The following HENMT1 variants were observed in gnomAD, a reference collection of about 807,000 sequenced individuals.
HENMT1 encodes the protein small RNA 2'-O-methyltransferase.
A neutral mutation model predicts 31.1 loss-of-function variants in HENMT1; 27 were observed. The observed-to-expected ratio is 0.87, with a 90% confidence interval of 0.64 to 1.20. The LOEUF is 1.20. HENMT1 is among the 50% of genes most tolerant of loss of function. The pLI is 0.00. For synonymous variants in HENMT1, 167 were observed against 172.2 expected (o/e 0.97, Z 0.24); for missense variants, 438 against 469.6 (o/e 0.93, Z 0.62).
At chr1:108,651,661 G>T (rs1022752157) in intron 5 of HENMT1, among the ~76,000 whole-genome samples, 4 of 140,134 alleles carry the variant, frequency 2.9e-5, no homozygotes, top group Admixed American at 7.9e-5. Context: ...AGAAGAAAAA[G>T]AAAGAAGGAA....
In HENMT1 at chr1:108,650,405, G is replaced by A. The variant is rs764706246; in HGVS notation, c.579-17C>T. 79 of 1,599,324 alleles carry A rather than the reference G, an allele frequency of 4.9e-5. No individual in the cohort carries two copies. The highest frequency in any genetic ancestry group is 6.6e-5 in the Non-Finnish European group (78 of 1,173,972). ...TATAAAGCCCTGAAACCAAAACGAG[G>A]ACAGCAATCATTTTTCTAAATGTAG... On this transcript the variant is annotated splice_polypyrimidine_tract_variant and intron_variant, in intron 6 of 7. Coordinates refer to ENST00000651461, the MANE Select transcript of HENMT1 (RefSeq NM_001102592.2).
Position 108,655,571 on chromosome 1 carries a change from G to A in HENMT1, c.263+15C>T, listed in dbSNP as rs1658205856. On this transcript the variant is annotated intron_variant, in intron 4 of 7. Transcript: ENST00000651461. Reference sequence around the variant, plus strand: ...TTTAGATTAACGCATAATTCTTTCAGAAACTAAGTATTACCCTCTCCATCG... The same window carrying A: ...TTTAGATTAACGCATAATTCTTTCAAAAACTAAGTATTACCCTCTCCATCG... 5 of 1,406,086 alleles carry A rather than the reference G, an allele frequency of 3.6e-6. No homozygotes were observed. The highest frequency in any genetic ancestry group is 5.0e-6 in the Non-Finnish European group (5 of 1,004,666). 87.1% of individuals were successfully genotyped at this position (1,406,086 alleles called of 1,614,324 possible). A position where few individuals can be genotyped will look rare whatever the true frequency, so the allele number is the denominator to read the frequency against.
At chr1:108,654,899 A>G (rs1172162384) in intron 4 of HENMT1, 49 bp from the exon 5 acceptor site, 1 of 1,582,550 alleles carries the variant, frequency 6.3e-7, no homozygotes, top group Non-Finnish European at 8.7e-7. Context: ...CTATTTAAAA[A>G]TTCTCACCAG....
chr1:108,659,791 T>C, intron 2 of HENMT1, 73 bp downstream of exon 2: 3 of 968,704 alleles, frequency 3.1e-6, no homozygotes, highest in Non-Finnish European at 4.8e-6. Context: ...CAATTTTGTT[T>C]GCAATTATCT....
upstream of HENMT1, chr1:108,661,115 G>T (rs1198371579): frequency 1.9e-6 from 1 of 538,450 alleles, no homozygotes; most frequent in Non-Finnish European, 2.4e-6. Flanking sequence ...GCCTCGCTGC[G>T]TGACGCTACC....
chr1:108,654,904 C>A, intron 4 of HENMT1, 54 bp from the exon 5 acceptor site: 1 of 1,556,896 alleles, frequency 6.4e-7, no homozygotes, highest in Middle Eastern at 1.7e-4. Context: ...TAAAAATTCT[C>A]ACCAGCTACA....
At chr1:108,654,381 T>C (rs914892052) in intron 5 of HENMT1, among the ~76,000 whole-genome samples, 7 of 152,052 alleles carry the variant, frequency 4.6e-5, no homozygotes, top group African/African-American at 1.7e-4. Flanking sequence ...ATACCCTTAA[T>C]TGATTCAGGA....
At chr1:108,655,515 CA>C in intron 4 of HENMT1, 70 bp downstream of exon 4, 1 of 840,174 alleles carries the variant, frequency 1.2e-6, no homozygotes, top group Non-Finnish European at 1.8e-6. Context: ...ATAAAATCAA[CA>C]CTTTCTCTAA....
Position 108,648,364 on chromosome 1 carries a change from C to A in HENMT1, c.*202G>T. 1.8e-6 allele frequency: 1 copy of A among 541,676 alleles called. No individual in the cohort carries two copies. Among genetic ancestry groups the A allele is most frequent in the East Asian group, 3.0e-5 (1 of 33,092 alleles). 33.6% of individuals were successfully genotyped at this position (541,676 alleles called of 1,614,324 possible). The stretch of plus-strand genomic sequence containing the variant: ...AAAAGTCCAAAATCAAAGGAAAGCA[C>A]CCGTTTTAAACCCTCATATCTTTCT... On this transcript the variant is annotated 3_prime_UTR_variant, in exon 8 of 8. Coordinates refer to ENST00000651461, the MANE Select transcript of HENMT1 (RefSeq NM_001102592.2).
At chr1:108,649,852 C>G (rs1406665854) in intron 7 of HENMT1, among the ~76,000 whole-genome samples, 1 of 152,098 alleles carries the variant, frequency 6.6e-6, no homozygotes, top group Non-Finnish European at 1.5e-5. Flanking sequence ...GGAGATCTCA[C>G]TATGTTGTCC....
intron 4 of HENMT1, among the ~76,000 whole-genome samples, 199 bp from the exon 5 acceptor site, chr1:108,655,049 G>GA (rs1323387728): frequency 6.6e-6 from 1 of 151,832 alleles, no homozygotes; most frequent in Admixed American, 6.6e-5. Flanking sequence ...ACTGGCCAAT[G>GA]AAAAAAAGAC....
intron 2 of HENMT1, among the ~76,000 whole-genome samples, chr1:108,658,607 T>C (rs947797331): frequency 6.6e-6 from 1 of 152,230 alleles, no homozygotes; most frequent in Admixed American, 6.5e-5. Context: ...CAGGTTCCTC[T>C]GAGCCATCTT....
At chr1:108,649,146 G>T (rs951726713) in intron 7 of HENMT1, among the ~76,000 whole-genome samples, 155 bp from the exon 8 acceptor site, 8 of 152,066 alleles carry the variant, frequency 5.3e-5, no homozygotes, top group African/African-American at 1.7e-4. Context: ...GTTATAATGG[G>T]AATCAAATCA....
chr1:108,657,497 C>G lies in HENMT1; in HGVS notation c.104G>C (p.Arg35Pro). 6.2e-7 allele frequency: 1 copy of G among 1,610,896 alleles called. No individual in the cohort carries two copies. The highest frequency in any genetic ancestry group is 8.5e-7 in the Non-Finnish European group (1 of 1,177,398). Residue 35 changes from arginine to proline, a missense_variant, in exon 3 of 8, where the codon CGG becomes CCG. Arg to Pro is a moderately radical substitution (Grantham distance 103). Transcript: ENST00000651461. ...IQFKPPLYRQRYQFVKNLVDQ... is the reference protein window; with the variant it reads ...IQFKPPLYRQPYQFVKNLVDQ... ...CACTAAATTTTTAACGAACTGGTAC[C>G]GCTGTCTGTATAGTGGAGGTTTAAA...
intron 2 of HENMT1, among the ~76,000 whole-genome samples, chr1:108,658,813 A>C (rs1474734600): frequency 6.6e-6 from 1 of 152,208 alleles, no homozygotes; most frequent in East Asian, 1.9e-4. Context: ...TTTTTTCTTT[A>C]ACATGACCCC....
At chr1:108,650,149 A>C (rs1163854303) in intron 7 of HENMT1, 62 bp downstream of exon 7, 2 of 1,495,158 alleles carry the variant, frequency 1.3e-6, no homozygotes, top group Admixed American at 1.7e-5. Flanking sequence ...CTTACTCCCC[A>C]AAAAAGTTCA....
intron 7 of HENMT1, chr1:108,649,914 A>G (rs1657998364): frequency 2.3e-6 from 1 of 438,590 alleles, no homozygotes; most frequent in East Asian, 5.4e-5. Context: ...TTGGCCTCCC[A>G]ACATGCTAGG....
chr1:108,651,835 C>T (rs576839511), intron 5 of HENMT1, among the ~76,000 whole-genome samples: 1 of 152,154 alleles, frequency 6.6e-6, no homozygotes, highest in South Asian at 2.1e-4. Context: ...ATGATGGCTC[C>T]CTTATCCAAC....
Position 108,655,606 on chromosome 1 carries a change from C to T in HENMT1, c.243G>A (p.Glu81=). 1.9e-6 allele frequency: 3 copies of T among 1,603,024 alleles called. No homozygotes were observed. The highest frequency in any genetic ancestry group is 2.6e-6 in the Non-Finnish European group (3 of 1,172,636). ...ATTACCCTCTCCATCGTAATTTATC[C>T]TCATTAATATCTACTCCAACAAGCA... ...IELLVGVDIN[E]DKLRWRGDSL... is the part of the protein sequence containing the mutation. Residue 81 remains glutamate (E), a synonymous_variant, in exon 4 of 8, where the codon GAG becomes GAA. Transcript: ENST00000651461.
Sources: allele counts gnomAD v4.1 joint callset (sites outside exome capture counted in the v4.1 genomes callset), GRCh38; gene constraint gnomAD v4.1.1; transcripts MANE v1.5; gene names NCBI Gene and HGNC (gene_info 2026-07-23, HGNC 2026-07-21).